CFAP43: variants seen among roughly 807,000 people sequenced by gnomAD.
CFAP43 encodes the protein cilia- and flagella-associated protein 43.
In CFAP43, 155 loss-of-function variants were observed where a neutral mutation model predicts 218.9. The observed-to-expected ratio is 0.71, with a 90% CI of 0.62 to 0.81. The LOEUF is 0.81. CFAP43 is among the 30% of genes least tolerant of loss of function. CFAP43 has a pLI of 0.00. For missense variants in CFAP43, 1,778 were observed against 1,954.3 expected, an observed-to-expected ratio of 0.91 and a Z score of 1.70; for synonymous variants, 645 against 681.3, an observed-to-expected ratio of 0.95 and a Z score of 0.83.
At chr10:104,133,546 T>C (rs1199342406) in intron 35 of CFAP43, 74 bp downstream of exon 35, 9 of 1,461,140 alleles carry the variant, frequency 6.2e-6, no homozygotes, top group Admixed American at 4.5e-5. Context: ...AGGCTTCTTA[T>C]TAAATACTGG....
In CFAP43 at chr10:104,167,729, A is replaced by G. The variant is rs369678218; in HGVS notation, c.2700T>C (p.His900=). Residue 900 remains histidine, a synonymous_variant, in exon 22 of 38, where the codon CAT becomes CAC. Coordinates refer to ENST00000357060, the MANE Select transcript of CFAP43 (RefSeq NM_025145.7). ...GGAAGTTTTCAACCACACAGGGGAT[A>G]TGAAAACACTTGGGGAAAAAAACGC... ...AVKGRALKCF[H]IPCVVENFPM... 8 of 1,603,452 alleles carry G rather than the reference A, an allele frequency of 5.0e-6. No homozygotes were observed. The African/African-American group carries it at 6.7e-5, about 13-fold the overall frequency.
Position 104,232,327 on chromosome 10 carries a change from G to A in CFAP43, c.-81C>T. The A allele has an allele frequency of 7.3e-7, 1 of 1,374,250 alleles. No individual in the cohort carries two copies. Among genetic ancestry groups the A allele is most frequent in the African/African-American group, 1.5e-5 (1 of 67,384 alleles). The allele number at this position is 1,374,250 out of a possible 1,614,324, so 85.1% of individuals were successfully genotyped here. A position where few individuals can be genotyped will look rare whatever the true frequency, so the allele number is the denominator to read the frequency against. ...TCGGTTACCTTTCCGCCGCCGCGGGGCTGCGGGCCGCGACGCCGCTGCTGT... is the reference window on the plus strand; with the variant it reads ...TCGGTTACCTTTCCGCCGCCGCGGGACTGCGGGCCGCGACGCCGCTGCTGT... On this transcript the variant is annotated 5_prime_UTR_variant, in exon 1 of 38. Coordinates refer to ENST00000357060, the MANE Select transcript of CFAP43 (RefSeq NM_025145.7).
At chr10:104,210,751 TTGCACA>T (rs374956837) in intron 5 of CFAP43, among the ~76,000 whole-genome samples, 19 of 150,966 alleles carry the variant, frequency 1.3e-4, no homozygotes, top group Non-Finnish European at 2.7e-4. Context: ...CCTTAGGGCC[TTGCACA>T]TGCAGGTCCT....
At chr10:104,193,161 T>A (rs1453684843) in intron 11 of CFAP43, 1 of 152,240 alleles carries the variant, frequency 6.6e-6, no homozygotes, top group African/African-American at 2.4e-5. Flanking sequence ...TATATTATCA[T>A]CTTAAAAGTA....
chr10:104,218,960 C>A, intron 3 of CFAP43: 1 of 418,932 alleles, frequency 2.4e-6, no homozygotes, highest in Non-Finnish European at 4.7e-6. Context: ...CAGACAACTG[C>A]ATGTGACAGA....
Position 104,172,508 on chromosome 10 carries a change from T to C in CFAP43, c.2488A>G (p.Lys830Glu), listed in dbSNP as rs780258394. The C allele has an allele frequency of 6.2e-7, 1 of 1,605,646 alleles. No homozygotes were observed. Among genetic ancestry groups the C allele is most frequent in the Non-Finnish European group, 8.5e-7 (1 of 1,177,748 alleles). Residue 830 changes from lysine (K) to glutamate (E), a missense_variant, in exon 20 of 38, where the codon AAA becomes GAA. By Grantham distance (56) the Lys-to-Glu change is moderately conservative. Around this residue, in one of 3 missense-constraint regions of CFAP43, gnomAD observed 1,553 missense variants for 1,685.2 expected, o/e 0.92. Transcript: ENST00000357060. ...TILNMMEEND[K>E]LENIAKLDQQ... ...TCTAATTTTGCAATATTTTCTAGTT[T>C]GTCATTTTCTTCCATCATATTCAGA...
Position 104,162,377 on chromosome 10 carries a change from C to T in CFAP43, c.3273G>A (p.Pro1091=), listed in dbSNP as rs151017050. The T allele has an allele frequency of 6.6e-5, 106 of 1,614,140 alleles. No individual in the cohort carries two copies. Among genetic ancestry groups the T allele is most frequent in the Middle Eastern group, 1.6e-4 (1 of 6,062 alleles). Residue 1091 remains proline (P), a synonymous_variant, in exon 25 of 38, where the codon CCG becomes CCA. Transcript: ENST00000357060. ...EEITAHKHIK[P]WHKAKELIVN... is the part of the protein sequence containing the mutation. ...CGATCAATTCTTTGGCTTTGTGCCA[C>T]GGCTTAATGTGTTTGTGGGCTGTAA...
chr10:104,188,719 T>A (rs1009005678), intron 12 of CFAP43, among the ~76,000 whole-genome samples: 4 of 152,088 alleles, frequency 2.6e-5, no homozygotes, highest in Non-Finnish European at 5.9e-5. Context: ...CAAACCAGCA[T>A]CTGCATGAGC....
chr10:104,223,490 A>G (rs1216554777), intron 3 of CFAP43, among the ~76,000 whole-genome samples: 1 of 152,226 alleles, frequency 6.6e-6, no homozygotes, highest in East Asian at 1.9e-4. Flanking sequence ...CAGCCTTTCT[A>G]AGATCACACA....
At chr10:104,137,360 A>T (rs1296604627) in intron 34 of CFAP43, among the ~76,000 whole-genome samples, 1 of 152,244 alleles carries the variant, frequency 6.6e-6, no homozygotes, top group African/African-American at 2.4e-5. Flanking sequence ...GCCAGAAAAC[A>T]AAGGCCACAT....
At chr10:104,166,294 G>A (rs1212312233) in intron 23 of CFAP43, among the ~76,000 whole-genome samples, 194 bp downstream of exon 23, 1 of 151,992 alleles carries the variant, frequency 6.6e-6, no homozygotes, top group African/African-American at 2.4e-5. Flanking sequence ...GGATGGTCTC[G>A]ATCTCTTGAC....
At chr10:104,150,587 C>T (rs998737176) in intron 28 of CFAP43, among the ~76,000 whole-genome samples, 3 of 152,158 alleles carry the variant, frequency 2.0e-5, no homozygotes, top group Non-Finnish European at 4.4e-5. Flanking sequence ...TAGTCATCCT[C>T]CTGAAGATTC....
chr10:104,208,430 T>TATGTGG (rs926876648), intron 5 of CFAP43, among the ~76,000 whole-genome samples: 2 of 152,224 alleles, frequency 1.3e-5, no homozygotes, highest in Non-Finnish European at 2.9e-5. Context: ...ACTAGTATTG[T>TATGTGG]ATGTGGCTTT....
chr10:104,189,010 C>A (rs901963849), intron 12 of CFAP43, among the ~76,000 whole-genome samples: 1 of 152,148 alleles, frequency 6.6e-6, no homozygotes, highest in South Asian at 2.1e-4. Context: ...AGCAGATGAC[C>A]TTCCCTCTTC....
intron 4 of CFAP43, among the ~76,000 whole-genome samples, chr10:104,213,823 C>G (rs1468034350): frequency 6.6e-6 from 1 of 152,214 alleles, no homozygotes; most frequent in Non-Finnish European, 1.5e-5. Flanking sequence ...GCGTGAGCCA[C>G]TGCACTCGGC....
At chr10:104,166,098 C>G (rs970021762) in intron 23 of CFAP43, among the ~76,000 whole-genome samples, 1 of 152,166 alleles carries the variant, frequency 6.6e-6, no homozygotes, top group African/African-American at 2.4e-5. Context: ...GTGTCTCGCT[C>G]TGTTGCCAGG....
rs201977211 is a variant in CFAP43, at chr10:104,203,826, T to A, written c.964-23A>T. ...ATCCTAGAGATGAGTGAGATAAACA[T>A]AGAAAATCAGTCTTAGTCAATGCAT... On this transcript the variant is annotated intron_variant, in intron 7 of 37. Transcript: ENST00000357060. The A allele has an allele frequency of 8.2e-6, 13 of 1,578,680 alleles. No homozygotes were observed. In the African/African-American group the frequency reaches 9.5e-5, roughly 12 times the overall value.
At chr10:104,192,488 C>A in intron 11 of CFAP43, 186 bp from the exon 12 acceptor site, 1 of 542,806 alleles carries the variant, frequency 1.8e-6, no homozygotes, top group Non-Finnish European at 3.2e-6. Context: ...TACTTTAGGC[C>A]AATGATATTT....
At chr10:104,221,440 G>A (rs1305661836) in intron 3 of CFAP43, among the ~76,000 whole-genome samples, 1 of 152,170 alleles carries the variant, frequency 6.6e-6, no homozygotes, top group Non-Finnish European at 1.5e-5. Context: ...CCATGGTTGA[G>A]ATAAGTGTCC....
Sources: allele counts gnomAD v4.1 joint callset (sites outside exome capture counted in the v4.1 genomes callset), GRCh38; gene constraint gnomAD v4.1.1; regional missense constraint gnomAD v4.1.1; transcripts MANE v1.5; gene names NCBI Gene and HGNC (gene_info 2026-07-23, HGNC 2026-07-21).